The following PIP5K1C variants were observed in gnomAD, a reference collection of about 807,000 sequenced individuals.
The protein encoded by PIP5K1C is phosphatidylinositol-4-phosphate 5-kinase type 1 gamma.
A neutral mutation model predicts 80.1 loss-of-function variants in PIP5K1C; 45 were observed. The observed-to-expected ratio is 0.56, with a 90% confidence interval of 0.44 to 0.72. The LOEUF is 0.72. PIP5K1C is among the 30% of genes least tolerant of loss of function. The probability of loss-of-function intolerance (pLI) is 0.00; values close to 1 mark genes in which losing one functional copy is unlikely to be tolerated. For synonymous variants in PIP5K1C, 498 were observed against 420.1 expected (o/e 1.19, Z -2.27); for missense variants, 753 against 954.6 (o/e 0.79, Z 2.78).
At chr19:3,659,749 T>C (rs987783791) in intron 5 of PIP5K1C, among the ~76,000 whole-genome samples, 12 of 152,086 alleles carry the variant, frequency 7.9e-5, no homozygotes, top group African/African-American at 2.9e-4. Flanking sequence ...CACGTACCCC[T>C]GGCTGGAGCA....
intron 2 of PIP5K1C, among the ~76,000 whole-genome samples, chr19:3,666,977 C>T (rs539613811): frequency 4.0e-4 from 60 of 151,790 alleles, no homozygotes; most frequent in Non-Finnish European, 7.8e-4. Context: ...AGTCCCCCGG[C>T]GAGAGCTGCT....
intron 12 of PIP5K1C, among the ~76,000 whole-genome samples, chr19:3,643,640 C>G (rs961462989): frequency 2.0e-5 from 3 of 152,086 alleles, no homozygotes; most frequent in African/African-American, 7.2e-5. Context: ...CTCTCCCTCC[C>G]CGCTGTCTTC....
At chr19:3,656,593 C>T (rs748748239) in intron 5 of PIP5K1C, 36 bp from the exon 6 acceptor site, 7 of 1,611,476 alleles carry the variant, frequency 4.3e-6, no homozygotes, top group Non-Finnish European at 5.9e-6. Context: ...GGGCCCCAAG[C>T]TGCCGGACAC....
intron 3 of PIP5K1C, among the ~76,000 whole-genome samples, chr19:3,663,642 C>G (rs1189292852): frequency 6.6e-6 from 1 of 151,832 alleles, no homozygotes; most frequent in Non-Finnish European, 1.5e-5. Context: ...GGTGAAACCC[C>G]TGTCTCTACC....
intron 5 of PIP5K1C, 120 bp downstream of exon 5, chr19:3,660,846 C>A: frequency 1.3e-6 from 1 of 775,992 alleles, no homozygotes; most frequent in Non-Finnish European, 2.3e-6. Flanking sequence ...CTGAACCTGA[C>A]CATAACCCTA....
rs1294598750 is a variant in PIP5K1C at position 3,648,344 on chromosome 19, C to G, written c.1211+281G>C. Among the ~76,000 whole-genome samples the G allele has an allele frequency of 6.6e-6, 1 of 152,206 alleles. No homozygotes were observed. The highest frequency in any genetic ancestry group is 1.5e-5 in the Non-Finnish European group (1 of 68,038). On this transcript the variant is annotated intron_variant, in intron 9 of 17. Transcript: ENST00000335312. This position sits in a 1 kb window ranked among gnomAD's most constrained non-coding sequence, Gnocchi z 4.3. ...ACTCACTCTAGATTTTCAAGGCGAC[C>G]AAACACCTTCCCTTTAGGGCTCAAG...
intron 6 of PIP5K1C, among the ~76,000 whole-genome samples, chr19:3,655,207 A>G (rs956337121): frequency 2.6e-5 from 4 of 151,288 alleles, no homozygotes; most frequent in Non-Finnish European, 5.9e-5. Context: ...TCACGACATC[A>G]GGAAATCGAG....
chr19:3,646,218 G>A (rs964463154), intron 10 of PIP5K1C, among the ~76,000 whole-genome samples, 160 bp from the exon 11 acceptor site: 1 of 152,150 alleles, frequency 6.6e-6, no homozygotes, highest in Non-Finnish European at 1.5e-5. Flanking sequence ...GGGGCTCACG[G>A]AACAGGGAAC....
Position 3,637,161 on chromosome 19 carries a change from G to A in PIP5K1C, c.1920+1723C>T. The A allele has an allele frequency of 1.4e-6, 2 of 1,414,486 alleles. No individual in the cohort carries two copies. Among genetic ancestry groups the A allele is most frequent in the South Asian group, 1.5e-5 (1 of 66,508 alleles). The allele number at this position is 1,414,486 out of a possible 1,614,324, so 87.6% of individuals were successfully genotyped here. A position where few individuals can be genotyped will look rare whatever the true frequency, so the allele number is the denominator to read the frequency against. ...AGCCAGCGGGGCCACGGGCAGCCAG[G>A]TCTGCACGAGTGAGAAGCGTCCACC... On this transcript the variant is annotated intron_variant, in intron 16 of 17. Coordinates refer to ENST00000335312, the MANE Select transcript of PIP5K1C (RefSeq NM_012398.3). This position sits in a 1 kb window ranked among gnomAD's most constrained non-coding sequence, Gnocchi z 7.0.
chr19:3,689,447 G>A (rs554012848), intron 1 of PIP5K1C, among the ~76,000 whole-genome samples: 137 of 151,996 alleles, frequency 9.0e-4, no homozygotes, highest in Non-Finnish European at 1.7e-3. Context: ...TCAGGAGTTC[G>A]AGACCCACCT....
rs1285549878 is a variant in PIP5K1C, at chr19:3,644,247, C to T, written c.1350G>A (p.Leu450=). Residue 450 remains leucine (L), a synonymous_variant, in exon 12 of 18, where the codon CTG becomes CTA. Coordinates refer to ENST00000335312, the MANE Select transcript of PIP5K1C (RefSeq NM_012398.3). ...GCCCCTTCTTGGAGGGCGAGGACTTCAGGGCTGCAGGGAAGGGTGGGGGTT... is the reference window on the plus strand; with the variant it reads ...GCCCCTTCTTGGAGGGCGAGGACTTTAGGGCTGCAGGGAAGGGTGGGGGTT... ...SNTVFRKNSS[L]KSSPSKKGRG... 2.1e-5 allele frequency: 34 copies of T among 1,611,738 alleles called. No homozygotes were observed. In the East Asian group the frequency reaches 7.1e-4, roughly 34 times the overall value.
At chr19:3,641,235 T>C (rs1373534322) in intron 15 of PIP5K1C, among the ~76,000 whole-genome samples, 2 of 151,708 alleles carry the variant, frequency 1.3e-5, no homozygotes, top group African/African-American at 4.8e-5. Context: ...TTTAAAAAAT[T>C]AAAAATAAAA....
rs141732891 is a variant in PIP5K1C, at chr19:3,696,342, C to G, written c.94+3955G>C. Among the ~76,000 whole-genome samples, 54 of 152,362 alleles carry G rather than the reference C, an allele frequency of 3.5e-4. No individual in the cohort carries two copies. In the East Asian group the frequency reaches 9.5e-3, roughly 27 times the overall value. On this transcript the variant is annotated intron_variant, in intron 1 of 17. Transcript: ENST00000335312. This position sits in a 1 kb window ranked among gnomAD's most constrained non-coding sequence, Gnocchi z 4.1. ...GGCGCAGGGGATGCCGCAGGAGTGG[C>G]ACAGACGGTCTTGGCCCTCGTGGAG...
At chr19:3,665,737 G>C (rs923970457) in intron 2 of PIP5K1C, among the ~76,000 whole-genome samples, 1 of 152,162 alleles carries the variant, frequency 6.6e-6, no homozygotes, top group Non-Finnish European at 1.5e-5. Context: ...AGATGGGACC[G>C]CCGACCCCAG....
chr19:3,693,134 C>T (rs896355991), intron 1 of PIP5K1C, among the ~76,000 whole-genome samples: 7 of 152,084 alleles, frequency 4.6e-5, no homozygotes, highest in Non-Finnish European at 1.0e-4. Flanking sequence ...CCCTCTCGTT[C>T]CCCCAGGCTC....
chr19:3,675,894 C>T (rs1020525233), intron 1 of PIP5K1C, among the ~76,000 whole-genome samples: 2 of 152,188 alleles, frequency 1.3e-5, no homozygotes, highest in Non-Finnish European at 2.9e-5. Flanking sequence ...CCCCGTGTCC[C>T]CAGGGGGGCA....
rs1228861732 is a variant in PIP5K1C, at chr19:3,696,625, C to T, written c.94+3672G>A. Among the ~76,000 whole-genome samples, 1 of 146,744 alleles carries T rather than the reference C, an allele frequency of 6.8e-6. No homozygotes were observed. The highest frequency in any genetic ancestry group is 2.0e-4 in the East Asian group (1 of 4,956). On this transcript the variant is annotated intron_variant, in intron 1 of 17. Coordinates refer to ENST00000335312, the MANE Select transcript of PIP5K1C (RefSeq NM_012398.3). The surrounding 1 kb of genome is among the most constrained non-coding windows in gnomAD (Gnocchi z 4.1). The stretch of plus-strand genomic sequence containing the variant: ...TTCCGGGGTGGGGGTGGGGGGCAGC[C>T]GTGCAAAGGCCCCGGGGCAGGACCA...
intron 16 of PIP5K1C, among the ~76,000 whole-genome samples, chr19:3,634,924 G>A (rs2033618002): frequency 6.6e-6 from 1 of 152,226 alleles, no homozygotes; most frequent in African/African-American, 2.4e-5. Context: ...GGACCCCAGC[G>A]CAGGCCTTGC....
chr19:3,633,553 G>C (rs769096967), intron 16 of PIP5K1C, 33 bp from the exon 17 acceptor site: 6 of 1,428,508 alleles, frequency 4.2e-6, no homozygotes, highest in Non-Finnish European at 5.6e-6. Context: ...GGAGGGCGCG[G>C]AAGAGCAGGG....
Sources: allele counts gnomAD v4.1 joint callset (sites outside exome capture counted in the v4.1 genomes callset), GRCh38; gene constraint gnomAD v4.1.1; non-coding constraint Gnocchi (gnomAD v3.1); transcripts MANE v1.5; gene names NCBI Gene and HGNC (gene_info 2026-07-23, HGNC 2026-07-21).